The following RTTN variants were observed in gnomAD, a reference collection of about 807,000 sequenced individuals.
RTTN encodes the protein rotatin.
Under a neutral mutation model 269.2 loss-of-function variants are expected in RTTN, and 182 were observed. The ratio of observed to expected loss-of-function variants is 0.68; its 90% CI spans 0.60 to 0.76. The LOEUF is 0.76. Ranked by LOEUF, RTTN falls within the 30% of genes least tolerant of loss-of-function variation. RTTN has a pLI of 0.00. For missense variants in RTTN, 2,545 were observed against 2,608.6 expected, an observed-to-expected ratio of 0.98 and a Z score of 0.53; for synonymous variants, 1,006 against 963.5, an observed-to-expected ratio of 1.04 and a Z score of -0.82.
Position 70,188,188 on chromosome 18 carries a change from G to A in RTTN, c.1225C>T (p.Leu409Phe), listed in dbSNP as rs764682683. The change falls in exon 10 of 49, where the codon CTT becomes TTT. Residue 409 changes from leucine to phenylalanine, a missense_variant. Transcript: ENST00000640769. ...RQVIIRVLEL[L>F]TEDMTLIGEA... ...CCAATAAGTGTCATATCCTCTGTAA[G>A]CAATTCCAGAACTCTTATTATCACT... 2 of 1,609,942 alleles carry A rather than the reference G, an allele frequency of 1.2e-6. No homozygotes were observed. Among genetic ancestry groups the A allele is most frequent in the African/African-American group, 1.3e-5 (1 of 74,918 alleles).
At chr18:70,055,737 A>G (rs2144854125) in intron 37 of RTTN, among the ~76,000 whole-genome samples, 1 of 152,338 alleles carries the variant, frequency 6.6e-6, no homozygotes, top group South Asian at 2.1e-4. Flanking sequence ...GAATTGCTAA[A>G]GATTCTTTTG....
Position 70,128,484 on chromosome 18 carries a change from G to A in RTTN, c.3017C>T (p.Pro1006Leu). The A allele has an allele frequency of 1.2e-6, 2 of 1,613,146 alleles. No individual in the cohort carries two copies. Among genetic ancestry groups the A allele is most frequent in the Non-Finnish European group, 1.7e-6 (2 of 1,179,490 alleles). ...CAAGGCCAAACAATCAGCAGATAAG[G>A]GCAAAACTATGGAGTAAGGACTCAC... is the stretch of plus-strand genomic sequence containing the variant. The part of the protein sequence containing the change: ...HAVSPYSIVL[P>L]LSADCLALKP... The change falls in exon 24 of 49, where the codon CCC becomes CTC. Residue 1006 changes from proline to leucine, a missense_variant. Transcript: ENST00000640769.
Position 70,051,462 on chromosome 18 carries a change from T to G in RTTN, c.5272A>C (p.Thr1758Pro), listed in dbSNP as rs867448472. The change falls in exon 39 of 49, where the codon ACA becomes CCA. Residue 1758 changes from threonine (T) to proline (P), a missense_variant. Transcript: ENST00000640769. The part of the protein sequence containing the change: ...AMLLRKAGAI[T>P]LPFVTVALAK... ...AGGGCCACGGTAACAAACGGGAGTG[T>G]GATGGCACCAGCTTTCCTCAGGAGC... is the stretch of plus-strand genomic sequence containing the variant. The G allele has an allele frequency of 1.2e-6, 2 of 1,614,006 alleles. No individual in the cohort carries two copies. The highest frequency in any genetic ancestry group is 1.3e-5 in the African/African-American group (1 of 75,040).
chr18:70,044,692 G>C (rs2057443519), intron 40 of RTTN, among the ~76,000 whole-genome samples: 1 of 152,082 alleles, frequency 6.6e-6, no homozygotes, highest in South Asian at 2.1e-4. Flanking sequence ...TTACTACAAT[G>C]CACTCATCCT....
chr18:70,162,861 T>A, intron 14 of RTTN, among the ~76,000 whole-genome samples: 1 of 102,922 alleles, frequency 9.7e-6, no homozygotes, highest in Admixed American at 1.5e-4. Flanking sequence ...CCTGCACATG[T>A]ACCCCCAACC....
rs763407306 is a variant in RTTN, at chr18:70,199,465, G to A, written c.527C>T (p.Pro176Leu). ...GTCTGTGGTGGTCAGGGGTAGCCAA[G>A]GAAATGTAGAAAACTTCAAGCACTT... ...TVKCLKFSTF[P>L]WLPLTTTDRH... Residue 176 changes from proline (P) to leucine (L), a missense_variant, in exon 5 of 49, where the codon CCT (proline) becomes CTT (leucine). Transcript: ENST00000640769. 27 of 1,613,108 alleles carry A rather than the reference G, an allele frequency of 1.7e-5. No homozygotes were observed. The highest frequency in any genetic ancestry group is 2.3e-5 in the Non-Finnish European group (27 of 1,179,308).
chr18:70,112,488 A>AAAAAAAAAAAAAAAAAAAC (rs2059496418), intron 27 of RTTN, among the ~76,000 whole-genome samples: 1 of 150,384 alleles, frequency 6.6e-6, no homozygotes, highest in Non-Finnish European at 1.5e-5. Context: ...GAAAGCAAAA[A>AAAAAAAAAAAAAAAAAAAC]AAAAAAAAAA....
chr18:70,157,892 A>G (rs951187644), intron 14 of RTTN, among the ~76,000 whole-genome samples: 1 of 139,192 alleles, frequency 7.2e-6, no homozygotes, highest in Non-Finnish European at 1.6e-5. Flanking sequence ...CATCACAGGC[A>G]AACAGAAATA....
chr18:70,042,366 CTTTTTTTTT>C (rs1017125527), intron 40 of RTTN, among the ~76,000 whole-genome samples: 6 of 78,072 alleles, frequency 7.7e-5, no homozygotes, highest in East Asian at 3.3e-4. Context: ...TTGGAATTTT[CTTTTTTTTT>C]TTTTTTTTTT....
chr18:70,043,169 A>G, intron 40 of RTTN, among the ~76,000 whole-genome samples: 1 of 152,240 alleles, frequency 6.6e-6, no homozygotes, highest in East Asian at 1.9e-4. Flanking sequence ...TTCTGAACAC[A>G]CTGAGAGGAT....
chr18:70,078,359 A>G (rs77067185), intron 32 of RTTN, among the ~76,000 whole-genome samples: 2,952 of 152,086 alleles, frequency 0.019, 97 homozygotes, highest in African/African-American at 0.066. Flanking sequence ...TGTGATATTT[A>G]TCTCTCATGC....
In RTTN at chr18:70,048,138, T is replaced by C; in HGVS notation, c.5374A>G (p.Thr1792Ala). ...GLSATCPALY[T>A]ASLQFLSVLL... ...ACAGAAAGGAATTGCAAGCTGGCAG[T>C]ATACAGGGCAGGACACGTGGCAGAC... Residue 1792 changes from threonine (T) to alanine (A), a missense_variant, in exon 40 of 49, where the codon ACT (threonine) becomes GCT (alanine). Transcript: ENST00000640769. 6.2e-7 allele frequency: 1 copy of C among 1,614,102 alleles called. No individual in the cohort carries two copies. Among genetic ancestry groups the C allele is most frequent in the Non-Finnish European group, 8.5e-7 (1 of 1,179,968 alleles).
chr18:70,064,525 A>C (rs916676735), intron 35 of RTTN, among the ~76,000 whole-genome samples: 2 of 152,192 alleles, frequency 1.3e-5, no homozygotes, highest in African/African-American at 4.8e-5. Context: ...AAGTTCTGAT[A>C]CATGCTAGAA....
At chr18:70,089,681 A>G (rs1356480610) in intron 30 of RTTN, among the ~76,000 whole-genome samples, 1 of 152,220 alleles carries the variant, frequency 6.6e-6, no homozygotes, top group Admixed American at 6.5e-5. Context: ...GTTATTTAAA[A>G]AAGGTTATTT....
At chr18:70,147,314 T>C (rs2060419216) in intron 17 of RTTN, among the ~76,000 whole-genome samples, 1 of 152,190 alleles carries the variant, frequency 6.6e-6, no homozygotes, top group East Asian at 1.9e-4. Context: ...GATACACAAA[T>C]GCCACTGTGT....
chr18:70,172,398 C>T (rs1334907503), intron 11 of RTTN, among the ~76,000 whole-genome samples: 1 of 152,094 alleles, frequency 6.6e-6, no homozygotes, highest in East Asian at 1.9e-4. Flanking sequence ...AATTCTACTT[C>T]AATTATTAGT....
intron 14 of RTTN, among the ~76,000 whole-genome samples, chr18:70,155,806 A>C (rs1243188749): frequency 1.3e-5 from 2 of 152,244 alleles, no homozygotes; most frequent in Non-Finnish European, 2.9e-5. Flanking sequence ...GACATTTATT[A>C]GTTCTCCAAA....
intron 8 of RTTN, among the ~76,000 whole-genome samples, chr18:70,191,455 T>C (rs1337211844): frequency 6.6e-6 from 1 of 152,220 alleles, no homozygotes; most frequent in Non-Finnish European, 1.5e-5. Context: ...CCAGTGTTAG[T>C]AAATGAAGGA....
At chr18:70,201,650 TAC>T (rs939621620) in intron 4 of RTTN, among the ~76,000 whole-genome samples, 4 of 141,230 alleles carry the variant, frequency 2.8e-5, no homozygotes, top group African/African-American at 1.0e-4. Context: ...GTTCATTCAG[TAC>T]GACATACTAC....
Sources: gnomAD v4.1 joint callset for allele counts (sites outside exome capture counted in the v4.1 genomes callset) on GRCh38, gnomAD v4.1.1 for gene constraint, MANE v1.5 for transcripts, NCBI Gene and HGNC (gene_info 2026-07-23, HGNC 2026-07-21) for gene names.